SLC25A34: variants seen among roughly 807,000 people sequenced by gnomAD.
SLC25A34 encodes solute carrier family 25 member 34.
SLC25A34 carries 26 observed loss-of-function variants against 28.1 expected under a neutral mutation model. The observed-to-expected ratio is 0.93, with a 90% CI of 0.68 to 1.28. SLC25A34 has a LOEUF of 1.28. Ranked by LOEUF, SLC25A34 falls within the 50% of genes most tolerant of loss-of-function variation. The pLI is 0.00. For missense variants in SLC25A34, 384 were observed against 409.8 expected (o/e 0.94, Z 0.54); for synonymous variants, 182 against 182.2 (o/e 1.00, Z 0.01).
Position 15,740,532 on chromosome 1 carries a change from C to A in SLC25A34, c.*1126C>A, listed in dbSNP as rs539294722. 13 of 152,436 alleles carry A rather than the reference C, an allele frequency of 8.5e-5. No individual in the cohort carries two copies. The highest frequency in any genetic ancestry group is 3.1e-4 in the African/African-American group (13 of 41,576). The allele number at this position is 152,436 out of a possible 1,614,324, so 9.4% of individuals were successfully genotyped here. ...ACCTCAAGTGATCCACTGGCCTTGG[C>A]CTCCCAAAGTGCTGGGATTACAGGC... is the stretch of plus-strand genomic sequence containing the variant. On this transcript the variant is annotated 3_prime_UTR_variant, in exon 5 of 5. Coordinates refer to ENST00000294454, the MANE Select transcript of SLC25A34 (RefSeq NM_207348.3).
chr1:15,738,893 G>C, intron 4 of SLC25A34, 165 bp downstream of exon 4: 1 of 921,340 alleles, frequency 1.1e-6, no homozygotes, highest in Non-Finnish European at 1.5e-6. Flanking sequence ...TGTTTGCTGA[G>C]CCCCCGGGTC....
At position 15,736,778 on chromosome 1, in the gene SLC25A34, G is replaced by A. The variant is rs1020695135; in HGVS notation, c.293G>A (p.Gly98Asp). 1 of 1,605,884 alleles carries A rather than the reference G, an allele frequency of 6.2e-7. No homozygotes were observed. The highest frequency in any genetic ancestry group is 1.3e-5 in the African/African-American group (1 of 74,928). ...TGCTACAGCCTGGCGTGCCAGGCTG[G>A]CCTCACGCAGCAACCAGGTGGCACC... is the stretch of plus-strand genomic sequence containing the variant. Reference protein sequence around the residue: ...FYCYSLACQAGLTQQPGGTVV... With the variant: ...FYCYSLACQADLTQQPGGTVV... Residue 98 changes from glycine (G) to aspartate (D), a missense_variant, in exon 1 of 5, where the codon GGC becomes GAC. By Grantham distance (94) the Gly-to-Asp change is moderately conservative. Transcript: ENST00000294454.
intron 4 of SLC25A34, 51 bp downstream of exon 4, chr1:15,738,779 C>G: frequency 6.9e-7 from 1 of 1,456,322 alleles, no homozygotes; most frequent in Non-Finnish European, 9.0e-7. Context: ...GAGCACCCCC[C>G]CAACACACAC....
At chr1:15,737,095 G>T (rs1271852800) in intron 1 of SLC25A34, among the ~76,000 whole-genome samples, 1 of 152,204 alleles carries the variant, frequency 6.6e-6, no homozygotes, top group Non-Finnish European at 1.5e-5. Context: ...TGAGCCAGGG[G>T]AGGGGGCAGA....
In SLC25A34 at chr1:15,736,544, C is replaced by G. The variant is rs1019517996; in HGVS notation, c.59C>G (p.Ala20Gly). The change falls in exon 1 of 5, where the codon GCC (alanine) becomes GGC (glycine). Residue 20 changes from alanine to glycine, a missense_variant. Physicochemically the swap from Ala to Gly is moderately conservative, Grantham distance 60 (BLOSUM62 0). Coordinates refer to ENST00000294454, the MANE Select transcript of SLC25A34 (RefSeq NM_207348.3). Reference sequence around the variant, plus strand: ...CTGGGTGCTTCTGCCTGCTGCCTGGCCTGTGTCTTCACCAACCCCCTGGAG... The same window carrying G: ...CTGGGTGCTTCTGCCTGCTGCCTGGGCTGTGTCTTCACCAACCCCCTGGAG... The part of the protein sequence containing the change: ...LVLGASACCL[A>G]CVFTNPLEVV... 10 of 1,454,560 alleles carry G rather than the reference C, an allele frequency of 6.9e-6. No homozygotes were observed. Among genetic ancestry groups the G allele is most frequent in the Non-Finnish European group, 9.1e-6 (10 of 1,103,132 alleles). The allele number at this position is 1,454,560 out of a possible 1,614,324, so 90.1% of individuals were successfully genotyped here. A position where few individuals can be genotyped will look rare whatever the true frequency, so the allele number is the denominator to read the frequency against.
intron 1 of SLC25A34, chr1:15,737,716 A>G: frequency 1.7e-6 from 1 of 582,096 alleles, no homozygotes. Flanking sequence ...AGAAAAGGTT[A>G]AGTAACTTGC....
rs776154907 is a variant in SLC25A34 at position 15,736,583 on chromosome 1, G to A, written c.98G>A (p.Arg33Gln). The change falls in exon 1 of 5, where the codon CGG becomes CAG. Residue 33 changes from arginine (R) to glutamine (Q), a missense_variant. Transcript: ENST00000294454. ...AACCCCCTGGAGGTGGTGAAGACGC[G>A]GCTGCAGCTGCAGGGGGAGCTGCAG... ...FTNPLEVVKT[R>Q]LQLQGELQAR... is the part of the protein sequence containing the mutation. 3.3e-6 allele frequency: 5 copies of A among 1,523,788 alleles called. No individual in the cohort carries two copies. Among genetic ancestry groups the A allele is most frequent in the African/African-American group, 1.4e-5 (1 of 71,904 alleles). 94.4% of individuals were successfully genotyped at this position (1,523,788 alleles called of 1,614,324 possible). A position where few individuals can be genotyped will look rare whatever the true frequency, so the allele number is the denominator to read the frequency against.
At chr1:15,738,540 A>T in intron 3 of SLC25A34, 54 bp from the exon 4 acceptor site, 11 of 1,568,930 alleles carry the variant, frequency 7.0e-6, no homozygotes, top group Non-Finnish European at 9.5e-6. Flanking sequence ...GGAGGGCACG[A>T]CGTGGGTGGG....
rs141749581 is a variant in SLC25A34, at chr1:15,738,691, C to T, written c.695C>T (p.Thr232Met). The T allele has an allele frequency of 6.3e-6, 10 of 1,597,290 alleles. No homozygotes were observed. The highest frequency in any genetic ancestry group is 1.3e-5 in the African/African-American group (1 of 74,476). Reference protein sequence around the residue: ...VVMTPFDVVSTRLYNQPVDTA... With the variant: ...VVMTPFDVVSMRLYNQPVDTA... The stretch of plus-strand genomic sequence containing the variant: ...ATGACTCCCTTCGATGTGGTCAGCA[C>T]GCGGCTATACAATCAGCCGGTGGAC... Residue 232 changes from threonine to methionine, a missense_variant, in exon 4 of 5, where the codon ACG (threonine) becomes ATG (methionine). By Grantham distance (81) the Thr-to-Met change is moderately conservative (BLOSUM62 -1). Coordinates refer to ENST00000294454, the MANE Select transcript of SLC25A34 (RefSeq NM_207348.3).
chr1:15,738,701 C>A lies in SLC25A34; in HGVS notation c.705C>A (p.Tyr235Ter). ...TPFDVVSTRLYNQPVDTAGRG... is the reference protein window; with the variant it reads ...TPFDVVSTRL The stretch of plus-strand genomic sequence containing the variant: ...TCGATGTGGTCAGCACGCGGCTATA[C>A]AATCAGCCGGTGGACACAGCTGGCA... The change falls in exon 4 of 5, where the codon TAC becomes TAA. Residue 235 changes from tyrosine (Y) to a stop codon, truncating the protein, a stop_gained. Coordinates refer to ENST00000294454, the MANE Select transcript of SLC25A34 (RefSeq NM_207348.3). LOFTEE classifies it low-confidence loss of function (END_TRUNC). The A allele has an allele frequency of 6.3e-7, 1 of 1,591,506 alleles. No individual in the cohort carries two copies. The highest frequency in any genetic ancestry group is 8.6e-7 in the Non-Finnish European group (1 of 1,167,966).
Position 15,739,549 on chromosome 1 carries a change from C to A in SLC25A34, c.*143C>A. 1.1e-6 allele frequency: 1 copy of A among 949,808 alleles called. No individual in the cohort carries two copies. The highest frequency in any genetic ancestry group is 1.5e-6 in the Non-Finnish European group (1 of 686,632). 58.8% of individuals were successfully genotyped at this position (949,808 alleles called of 1,614,324 possible). On this transcript the variant is annotated 3_prime_UTR_variant, in exon 5 of 5. Transcript: ENST00000294454. ...CCGGGAGAGTGTGGACAGCTCTGGT[C>A]CATCCAGCCCCTTGGCCCACCCAGG... is the stretch of plus-strand genomic sequence containing the variant.
chr1:15,738,596 G>A lies in SLC25A34; in HGVS notation c.600G>A (p.Trp200Ter). 6.2e-7 allele frequency: 1 copy of A among 1,604,928 alleles called. No homozygotes were observed. The change falls in exon 4 of 5, where the codon TGG becomes TGA. Residue 200 changes from tryptophan (W) to a stop codon, truncating the protein, a stop_gained and splice_region_variant. Coordinates refer to ENST00000294454, the MANE Select transcript of SLC25A34 (RefSeq NM_207348.3). LOFTEE classifies it high-confidence loss of function. ...SAKAWVQKQQ[W>*]LPEDSWLVAL... ...CAGCACCTGTGCCATCCCCACAGTG[G>A]CTCCCTGAGGACAGCTGGCTGGTGG...
rs534149337 is a variant in SLC25A34, at chr1:15,738,844, G to A, written c.732+116G>A. 2.1e-4 allele frequency: 274 copies of A among 1,304,114 alleles called. 2 individuals carry two copies. The East Asian group carries it at 7.5e-3, about 36-fold the overall frequency. The allele number at this position is 1,304,114 out of a possible 1,614,324, so 80.8% of individuals were successfully genotyped here. ...CTCACACATGCACAGCCAGAGACAC[G>A]CAGACACAGGCCAGGTATGCAAACA... On this transcript the variant is annotated intron_variant, in intron 4 of 4. Transcript: ENST00000294454.
At position 15,736,447 on chromosome 1, in the gene SLC25A34, C is replaced by T. The variant is rs771676189; in HGVS notation, c.-39C>T. ...CCACCACCACAGGGCCTGTGCCGTG[C>T]CCCTGACCCGGGCACAGAAGGCCAC... is the stretch of plus-strand genomic sequence containing the variant. On this transcript the variant is annotated 5_prime_UTR_variant, in exon 1 of 5. Transcript: ENST00000294454. 12 of 1,415,672 alleles carry T rather than the reference C, an allele frequency of 8.5e-6. No individual in the cohort carries two copies. The East Asian group carries it at 3.2e-4, about 38-fold the overall frequency. The allele number at this position is 1,415,672 out of a possible 1,614,324, so 87.7% of individuals were successfully genotyped here. A position where few individuals can be genotyped will look rare whatever the true frequency, so the allele number is the denominator to read the frequency against.
chr1:15,739,537 G>C lies in SLC25A34; in HGVS notation c.*131G>C. On this transcript the variant is annotated 3_prime_UTR_variant, in exon 5 of 5. Coordinates refer to ENST00000294454, the MANE Select transcript of SLC25A34 (RefSeq NM_207348.3). ...CTGCCAGAGGTCCCGGGAGAGTGTG[G>C]ACAGCTCTGGTCCATCCAGCCCCTT... is the stretch of plus-strand genomic sequence containing the variant. 2 of 1,121,078 alleles carry C rather than the reference G, an allele frequency of 1.8e-6. No individual in the cohort carries two copies. The highest frequency in any genetic ancestry group is 2.4e-6 in the Non-Finnish European group (2 of 827,026). 69.4% of individuals were successfully genotyped at this position (1,121,078 alleles called of 1,614,324 possible). A position where few individuals can be genotyped will look rare whatever the true frequency, so the allele number is the denominator to read the frequency against.
chr1:15,739,402 C>T lies in SLC25A34; in HGVS notation c.911C>T (p.Thr304Ile), dbSNP rs1318800146. The T allele has an allele frequency of 1.3e-6, 2 of 1,510,718 alleles. No individual in the cohort carries two copies. The highest frequency in any genetic ancestry group is 1.3e-5 in the South Asian group (1 of 76,838). The allele number at this position is 1,510,718 out of a possible 1,614,324, so 93.6% of individuals were successfully genotyped here. A position where few individuals can be genotyped will look rare whatever the true frequency, so the allele number is the denominator to read the frequency against. ...KLAGRAQHKG[T>I] Reference sequence around the variant, plus strand: ...GCTGGGCGGGCCCAGCACAAGGGCACCTAGACGACGGCCCTCACCCCCACG... The same window carrying T: ...GCTGGGCGGGCCCAGCACAAGGGCATCTAGACGACGGCCCTCACCCCCACG... The change falls in exon 5 of 5, where the codon ACC (threonine) becomes ATC (isoleucine). Residue 304 changes from threonine to isoleucine, a missense_variant. Thr to Ile is a moderately conservative substitution (Grantham distance 89). Transcript: ENST00000294454.
chr1:15,738,521 A>G, intron 3 of SLC25A34, 73 bp from the exon 4 acceptor site: 1 of 1,546,070 alleles, frequency 6.5e-7, no homozygotes, highest in Admixed American at 2.1e-5. Flanking sequence ...CCTGTGTGGT[A>G]GGAGGCCGGG....
At chr1:15,738,515 T>G (rs2068247789) in intron 3 of SLC25A34, 79 bp from the exon 4 acceptor site, 2 of 1,538,930 alleles carry the variant, frequency 1.3e-6, no homozygotes, top group Admixed American at 2.1e-5. Context: ...TTAGCCCCTG[T>G]GTGGTAGGAG....
chr1:15,739,617 G>A lies in SLC25A34; in HGVS notation c.*211G>A, dbSNP rs1283614945. The A allele has an allele frequency of 1.2e-5, 6 of 495,240 alleles. No homozygotes were observed. The highest frequency in any genetic ancestry group is 2.1e-5 in the Non-Finnish European group (6 of 289,540). The allele number at this position is 495,240 out of a possible 1,614,324, so 30.7% of individuals were successfully genotyped here. A position where few individuals can be genotyped will look rare whatever the true frequency, so the allele number is the denominator to read the frequency against. On this transcript the variant is annotated 3_prime_UTR_variant, in exon 5 of 5. Transcript: ENST00000294454. ...AAGTTACCACCCATTCTGTCTTCCA[G>A]ACAGTTCTCTTCCTTCTCTGTACTG...
Sources: allele counts gnomAD v4.1 joint callset (sites outside exome capture counted in the v4.1 genomes callset), GRCh38; gene constraint gnomAD v4.1.1; transcripts MANE v1.5; gene names NCBI Gene and HGNC (gene_info 2026-07-23, HGNC 2026-07-21).